Variants in DCAF5 observed in about 807,000 individuals in gnomAD.
DCAF5 encodes the protein DDB1 and CUL4 associated factor 5.
Under a neutral mutation model 80.7 loss-of-function variants are expected in DCAF5, and 9 were observed. The ratio of observed to expected loss-of-function variants is 0.11; its 90% CI spans 0.07 to 0.19. The LOEUF (loss-of-function observed/expected upper bound fraction) is 0.19, where lower values mean the gene tolerates loss of function less well. Ranked by LOEUF, DCAF5 falls within the 10% of genes least tolerant of loss-of-function variation. DCAF5 has a pLI of 1.00. For missense variants in DCAF5, 842 were observed against 1,205.7 expected (o/e 0.70, Z 4.47); for synonymous variants, 433 against 461.9 (o/e 0.94, Z 0.80).
chr14:69,150,040 T>C (rs1396944153), intron 1 of DCAF5, among the ~76,000 whole-genome samples: 3 of 152,260 alleles, frequency 2.0e-5, no homozygotes, highest in African/African-American at 7.2e-5. Context: ...AGGAACTTTC[T>C]GTTAACACAG....
chr14:69,130,070 A>C (rs1456045988), intron 1 of DCAF5, among the ~76,000 whole-genome samples: 1 of 152,220 alleles, frequency 6.6e-6, no homozygotes, highest in Admixed American at 6.5e-5. Context: ...CCGAGCTATA[A>C]GCAGAAACTA....
intron 1 of DCAF5, among the ~76,000 whole-genome samples, chr14:69,132,558 C>T (rs972580963): frequency 6.6e-6 from 1 of 152,194 alleles, no homozygotes; most frequent in Non-Finnish European, 1.5e-5. Context: ...TATTGTTTTG[C>T]ATTTCACTGC....
chr14:69,089,821 T>C (rs2039469127), intron 6 of DCAF5: 1 of 591,778 alleles, frequency 1.7e-6, no homozygotes, highest in Non-Finnish European at 2.1e-6. Flanking sequence ...TACCGGCTTC[T>C]AGTAGGAAGA....
At chr14:69,062,940 CA>C (rs1389051403) in intron 7 of DCAF5, among the ~76,000 whole-genome samples, 1 of 151,562 alleles carries the variant, frequency 6.6e-6, no homozygotes, top group East Asian at 2.0e-4. Context: ...CTTAAATGTA[CA>C]AAAAACATCT....
At chr14:69,062,358 A>G in intron 8 of DCAF5, 26 bp downstream of exon 8, 1 of 1,607,760 alleles carries the variant, frequency 6.2e-7, no homozygotes, top group African/African-American at 1.3e-5. Context: ...ATTTCTCTAA[A>G]AGGACAGAAG....
chr14:69,098,893 CAAAAAAAAAAAAAA>C (rs57089112), intron 5 of DCAF5, among the ~76,000 whole-genome samples: 13 of 59,578 alleles, frequency 2.2e-4, no homozygotes, highest in African/African-American at 6.9e-4. Context: ...ACTCTGTCTC[CAAAAAAAAAAAAAA>C]AAAAAAAAGA....
At chr14:69,086,623 A>ATT (rs2039332775) in intron 6 of DCAF5, among the ~76,000 whole-genome samples, 4 of 145,354 alleles carry the variant, frequency 2.8e-5, no homozygotes, top group Admixed American at 1.4e-4. Context: ...GAGTTATTAA[A>ATT]AAAAAAAAAA....
intron 8 of DCAF5, among the ~76,000 whole-genome samples, chr14:69,061,106 G>A (rs555631276): frequency 6.6e-6 from 1 of 151,968 alleles, no homozygotes; most frequent in South Asian, 2.1e-4. Flanking sequence ...CTAGGTTCAA[G>A]CAATCCCTCA....
At chr14:69,075,264 G>C in intron 7 of DCAF5, 81 bp downstream of exon 7, 3 of 1,098,542 alleles carry the variant, frequency 2.7e-6, no homozygotes, top group Non-Finnish European at 4.0e-6. Context: ...TACTGCTAAA[G>C]ATCTGTCCCC....
intron 8 of DCAF5, among the ~76,000 whole-genome samples, chr14:69,059,604 G>A (rs1296661970): frequency 6.6e-6 from 1 of 152,198 alleles, no homozygotes; most frequent in Non-Finnish European, 1.5e-5. Context: ...AGTGCAGGGT[G>A]AGGCAGTAAT....
At chr14:69,127,097 C>T (rs2040901012) in intron 1 of DCAF5, among the ~76,000 whole-genome samples, 1 of 152,160 alleles carries the variant, frequency 6.6e-6, no homozygotes, top group Admixed American at 6.5e-5. Context: ...CAAAACTAAA[C>T]GTACTCTTAT....
At chr14:69,063,676 C>A (rs147590456) in intron 7 of DCAF5, among the ~76,000 whole-genome samples, 1 of 152,214 alleles carries the variant, frequency 6.6e-6, no homozygotes, top group Non-Finnish European at 1.5e-5. Flanking sequence ...AAAATGACTA[C>A]AACAATGTCC....
intron 7 of DCAF5, among the ~76,000 whole-genome samples, chr14:69,063,072 G>A (rs575791172): frequency 6.6e-5 from 10 of 152,278 alleles, no homozygotes; most frequent in Non-Finnish European, 1.3e-4. Context: ...CCCGATAGCA[G>A]GGAGAACTAA....
At chr14:69,143,638 G>A (rs1324112471) in intron 1 of DCAF5, among the ~76,000 whole-genome samples, 1 of 147,974 alleles carries the variant, frequency 6.8e-6, no homozygotes, top group South Asian at 2.1e-4. Flanking sequence ...GGTAGGCGCC[G>A]GGGAGTGCTG....
intron 7 of DCAF5, among the ~76,000 whole-genome samples, chr14:69,063,036 G>A (rs1019141161): frequency 3.9e-5 from 6 of 152,226 alleles, no homozygotes; most frequent in Non-Finnish European, 7.4e-5. Flanking sequence ...ACCACTGGGG[G>A]AAATAATAGA....
intron 7 of DCAF5, among the ~76,000 whole-genome samples, chr14:69,072,623 T>TAA (rs57781214): frequency 3.4e-5 from 4 of 116,452 alleles, no homozygotes; most frequent in African/African-American, 6.7e-5. Context: ...ACCCTGACTT[T>TAA]AAAAAAAAAA....
At chr14:69,143,553 CTTTTT>C (rs562355110) in intron 1 of DCAF5, among the ~76,000 whole-genome samples, 6 of 102,198 alleles carry the variant, frequency 5.9e-5, no homozygotes, top group African/African-American at 1.9e-4. Flanking sequence ...ATCTGTTAAA[CTTTTT>C]TTTTTTTTTT....
rs1235255536 is a variant in DCAF5 at position 69,086,113 on chromosome 14, T to C, written c.879+5561A>G. 2.6e-5 allele frequency among the ~76,000 whole-genome samples: 4 copies of C among 152,306 alleles called. No individual in the cohort carries two copies. The East Asian group carries it at 5.8e-4, about 22-fold the overall frequency. ...GGTTCATGCCTGTAATCCCAGCACT[T>C]TGGGAGGCTGAGGTGGGTGGATCAC... On this transcript the variant is annotated intron_variant, in intron 6 of 8. Transcript: ENST00000341516.
In DCAF5 at chr14:69,152,642, A is replaced by C. The variant is rs2041743377; in HGVS notation, c.214+123T>G. 1.5e-6 allele frequency: 1 copy of C among 681,710 alleles called. No individual in the cohort carries two copies. The highest frequency in any genetic ancestry group is 2.4e-6 in the Non-Finnish European group (1 of 409,836). The allele number at this position is 681,710 out of a possible 1,614,324, so 42.2% of individuals were successfully genotyped here. The stretch of plus-strand genomic sequence containing the variant: ...ATTTGACACCAAACCTTCCCACCGC[A>C]GAAGGGGGTAGAGAAAGGGAGGGGG... On this transcript the variant is annotated intron_variant, in intron 1 of 8. Coordinates refer to ENST00000341516, the MANE Select transcript of DCAF5 (RefSeq NM_003861.3). This position sits in a 1 kb window ranked among gnomAD's most constrained non-coding sequence, Gnocchi z 4.1.
Sources: allele counts gnomAD v4.1 joint callset (sites outside exome capture counted in the v4.1 genomes callset), GRCh38; gene constraint gnomAD v4.1.1; non-coding constraint Gnocchi (gnomAD v3.1); transcripts MANE v1.5; gene names NCBI Gene and HGNC (gene_info 2026-07-23, HGNC 2026-07-21).